SHLD1: variants seen among roughly 807,000 people sequenced by gnomAD.
SHLD1 encodes the protein RINN1-REV7-interacting novel NHEJ regulator 3.
Under a neutral mutation model 5.5 loss-of-function variants are expected in SHLD1, and 3 were observed. That is an observed-to-expected ratio of 0.54 (90% CI 0.25 to 1.40). The LOEUF (loss-of-function observed/expected upper bound fraction) is 1.40, where lower values mean the gene tolerates loss of function less well. SHLD1 is among the 40% of genes most tolerant of loss of function. The probability of loss-of-function intolerance (pLI) is 0.15; values close to 1 mark genes in which losing one functional copy is unlikely to be tolerated. For missense variants in SHLD1, 210 were observed against 244.4 expected (o/e 0.86, Z 0.94); for synonymous variants, 92 against 94.3 (o/e 0.98, Z 0.14).
intron 2 of SHLD1, among the ~76,000 whole-genome samples, chr20:5,775,865 C>G (rs1014046235): frequency 2.7e-5 from 4 of 150,250 alleles, no homozygotes; most frequent in African/African-American, 9.8e-5. Flanking sequence ...CTCAGGAGAT[C>G]CAATTCCTCA....
At chr20:5,853,107 G>C (rs2088033082) in intron 2 of SHLD1, among the ~76,000 whole-genome samples, 1 of 152,132 alleles carries the variant, frequency 6.6e-6, no homozygotes, top group Non-Finnish European at 1.5e-5. Context: ...AATATACTGG[G>C]TATCTACCAT....
chr20:5,757,939 A>G (rs746627469), intron 1 of SHLD1, among the ~76,000 whole-genome samples: 10 of 152,176 alleles, frequency 6.6e-5, no homozygotes, highest in Non-Finnish European at 1.3e-4. Flanking sequence ...ACAACTTTGA[A>G]TTCCTGGGAT....
At chr20:5,831,092 T>G (rs2087724261) in intron 2 of SHLD1, among the ~76,000 whole-genome samples, 1 of 152,196 alleles carries the variant, frequency 6.6e-6, no homozygotes, top group Non-Finnish European at 1.5e-5. Flanking sequence ...CACCTCTAGG[T>G]GGGTGCTTCG....
intron 2 of SHLD1, among the ~76,000 whole-genome samples, chr20:5,775,629 A>G (rs1223219064): frequency 6.6e-6 from 1 of 152,154 alleles, no homozygotes; most frequent in African/African-American, 2.4e-5. Flanking sequence ...AAACGCTAAG[A>G]CAACCATTTT....
At chr20:5,846,254 G>A (rs565632810) in intron 2 of SHLD1, among the ~76,000 whole-genome samples, 13 of 152,274 alleles carry the variant, frequency 8.5e-5, no homozygotes, top group Admixed American at 7.8e-4. Flanking sequence ...GAAGGAAAAA[G>A]GATCAGGTTT....
chr20:5,787,971 G>T (rs779203393), intron 2 of SHLD1, among the ~76,000 whole-genome samples: 9 of 152,150 alleles, frequency 5.9e-5, no homozygotes, highest in Non-Finnish European at 1.3e-4. Flanking sequence ...AACAAGTAGA[G>T]AAATGAACAG....
intron 2 of SHLD1, among the ~76,000 whole-genome samples, chr20:5,830,610 C>G (rs1041266784): frequency 1.3e-4 from 19 of 151,614 alleles, no homozygotes; most frequent in African/African-American, 4.6e-4. Flanking sequence ...ATTGCTTGAA[C>G]CCAGGAGGCA....
At chr20:5,765,395 G>A (rs549704022) in intron 1 of SHLD1, among the ~76,000 whole-genome samples, 9 of 152,042 alleles carry the variant, frequency 5.9e-5, no homozygotes, top group Non-Finnish European at 1.3e-4. Context: ...ACAGGTGCAC[G>A]TCACCACACC....
chr20:5,804,353 A>C (rs56311505), intron 2 of SHLD1, among the ~76,000 whole-genome samples: 1 of 95,624 alleles, frequency 1.0e-5, no homozygotes, highest in African/African-American at 4.8e-5. Context: ...AAAAAAAACT[A>C]TATATATATA....
At chr20:5,764,140 AT>A (rs1407415621) in intron 1 of SHLD1, among the ~76,000 whole-genome samples, 452 of 42,450 alleles carry the variant, frequency 0.011, 11 homozygotes, top group African/African-American at 0.039. Context: ...AAAAAAAAAA[AT>A]ATATATATAT....
intron 2 of SHLD1, among the ~76,000 whole-genome samples, chr20:5,807,355 T>C (rs2087392451): frequency 1.3e-5 from 2 of 151,870 alleles, no homozygotes; most frequent in Non-Finnish European, 1.5e-5. Context: ...TCTTTCCTTC[T>C]TTTCTTTCTC....
In SHLD1 at chr20:5,809,406, G is replaced by A. The variant is rs186015496; in HGVS notation, c.178+36363G>A. On this transcript the variant is annotated intron_variant, in intron 2 of 2. Coordinates refer to ENST00000303142, the MANE Select transcript of SHLD1 (RefSeq NM_152504.4). ...ATTTCCCCTTATGTCACACCCTACT[G>A]CCAAGTGTCTGATTAGCAGCATCCT... Among the ~76,000 whole-genome samples the A allele has an allele frequency of 4.6e-5, 7 of 152,078 alleles. No homozygotes were observed. The East Asian group carries it at 1.2e-3, about 25-fold the overall frequency.
At chr20:5,766,932 T>A (rs370827382) in intron 1 of SHLD1, among the ~76,000 whole-genome samples, 2 of 152,174 alleles carry the variant, frequency 1.3e-5, no homozygotes, top group East Asian at 1.9e-4. Context: ...TGCAAACATA[T>A]GTTTTTGAGA....
At chr20:5,822,415 C>T (rs891126633) in intron 2 of SHLD1, among the ~76,000 whole-genome samples, 5 of 152,106 alleles carry the variant, frequency 3.3e-5, no homozygotes, top group African/African-American at 1.2e-4. Context: ...ACCAAGATCG[C>T]ACCACTGCAC....
At chr20:5,830,915 T>G (rs2087721862) in intron 2 of SHLD1, among the ~76,000 whole-genome samples, 1 of 152,168 alleles carries the variant, frequency 6.6e-6, no homozygotes, top group African/African-American at 2.4e-5. Flanking sequence ...GCTCCTCTTA[T>G]TACCGCTTAA....
intron 2 of SHLD1, among the ~76,000 whole-genome samples, chr20:5,820,097 G>A (rs908094162): frequency 8.5e-5 from 13 of 152,284 alleles, no homozygotes; most frequent in Admixed American, 7.8e-4. Context: ...ACAGGCGTGT[G>A]CCACCATGCC....
chr20:5,805,623 CAG>C (rs2087363131), intron 2 of SHLD1, among the ~76,000 whole-genome samples: 1 of 150,768 alleles, frequency 6.6e-6, no homozygotes, highest in Non-Finnish European at 1.5e-5. Flanking sequence ...CTTTTTGAGC[CAG>C]AGTTTTGCTG....
chr20:5,773,450 C>G, intron 2 of SHLD1: 1 of 389,698 alleles, frequency 2.6e-6, no homozygotes, highest in South Asian at 3.8e-5. Flanking sequence ...TTTAGCATTC[C>G]TTGTATGAAG....
rs117069652 is a variant in SHLD1, at chr20:5,767,005, C to T, written c.-4-5857C>T. 6.8e-4 allele frequency among the ~76,000 whole-genome samples: 104 copies of T among 152,284 alleles called. 2 individuals carry two copies. In the East Asian group the frequency reaches 0.019, roughly 28 times the overall value. ...GGATGCCATAATTTGGATATTGCCT[C>T]CTCTGAAAACTGTTTCTTTTCCTGT... is the stretch of plus-strand genomic sequence containing the variant. On this transcript the variant is annotated intron_variant, in intron 1 of 2. Transcript: ENST00000303142.
Sources: gnomAD v4.1 joint callset for allele counts (sites outside exome capture counted in the v4.1 genomes callset) on GRCh38, gnomAD v4.1.1 for gene constraint, MANE v1.5 for transcripts, NCBI Gene and HGNC (gene_info 2026-07-23, HGNC 2026-07-21) for gene names.